NECAB1: variants seen among roughly 807,000 people sequenced by gnomAD.
The protein encoded by NECAB1 is N-terminal EF-hand calcium binding protein 1.
A neutral mutation model predicts 57.5 loss-of-function variants in NECAB1; 29 were observed. That is an observed-to-expected ratio of 0.50 (90% CI 0.38 to 0.69). NECAB1 has a LOEUF of 0.69. NECAB1 is among the 30% of genes least tolerant of loss of function. NECAB1 has a pLI of 0.00. For synonymous variants in NECAB1, 142 were observed against 147.7 expected (o/e 0.96, Z 0.28); for missense variants, 372 against 413.8 (o/e 0.90, Z 0.88).
chr8:90,832,457 G>A (rs569169197), intron 3 of NECAB1, among the ~76,000 whole-genome samples: 1 of 152,032 alleles, frequency 6.6e-6, no homozygotes, highest in African/African-American at 2.4e-5. Context: ...ACATGGAAAT[G>A]GTTTATTCTT....
intron 3 of NECAB1, among the ~76,000 whole-genome samples, chr8:90,860,282 C>T (rs189647347): frequency 1.0e-4 from 15 of 147,598 alleles, no homozygotes; most frequent in African/African-American, 3.8e-4. Flanking sequence ...TAATGGGCAG[C>T]CAGTTTTGAG....
chr8:90,898,580 T>C (rs1269481103), intron 5 of NECAB1, among the ~76,000 whole-genome samples: 2 of 152,190 alleles, frequency 1.3e-5, no homozygotes, highest in African/African-American at 2.4e-5. Flanking sequence ...CCTATTCCAA[T>C]ACCCCTGTCT....
chr8:90,937,834 TA>T (rs1810575051), intron 9 of NECAB1, among the ~76,000 whole-genome samples: 1 of 152,200 alleles, frequency 6.6e-6, no homozygotes, highest in Non-Finnish European at 1.5e-5. Flanking sequence ...TCTACACCCA[TA>T]TAAAATCGAC....
rs1480028026 is a variant in NECAB1 at position 90,791,779 on chromosome 8, C to G, written c.-108C>G. 1.9e-5 allele frequency: 16 copies of G among 842,906 alleles called. No individual in the cohort carries two copies. Among genetic ancestry groups the G allele is most frequent in the Non-Finnish European group, 2.8e-5 (15 of 541,344 alleles). 52.2% of individuals were successfully genotyped at this position (842,906 alleles called of 1,614,324 possible). On this transcript the variant is annotated 5_prime_UTR_variant, in exon 1 of 13. Coordinates refer to ENST00000417640, the MANE Select transcript of NECAB1 (RefSeq NM_022351.5). ...GCGCGCGCGGGAGCGAACACCCTCC[C>G]GGATCCAGAGCCCGGCGGCGGCGAA...
At chr8:90,926,206 G>T (rs1273779965) in intron 7 of NECAB1, among the ~76,000 whole-genome samples, 2 of 152,164 alleles carry the variant, frequency 1.3e-5, no homozygotes, top group Non-Finnish European at 1.5e-5. Flanking sequence ...GCAAACTCAT[G>T]TTGCTAAATA....
chr8:90,898,805 G>A (rs1443436362), intron 5 of NECAB1, among the ~76,000 whole-genome samples: 1 of 152,198 alleles, frequency 6.6e-6, no homozygotes, highest in Non-Finnish European at 1.5e-5. Context: ...TACATGGTAG[G>A]TACACAATCT....
intron 10 of NECAB1, among the ~76,000 whole-genome samples, chr8:90,942,120 G>A (rs1194154967): frequency 6.6e-6 from 1 of 152,124 alleles, no homozygotes; most frequent in Non-Finnish European, 1.5e-5. Context: ...TCTGGCTCTG[G>A]AAATAAACAT....
chr8:90,840,977 G>A (rs1812444460), intron 3 of NECAB1, among the ~76,000 whole-genome samples: 1 of 146,918 alleles, frequency 6.8e-6, no homozygotes, highest in African/African-American at 2.5e-5. Flanking sequence ...AGTGACCAAA[G>A]CCGGGCGCAG....
At chr8:90,798,645 C>T (rs1811706546) in intron 1 of NECAB1, among the ~76,000 whole-genome samples, 3 of 152,142 alleles carry the variant, frequency 2.0e-5, no homozygotes, top group Admixed American at 2.0e-4. Flanking sequence ...TTTTTTATGG[C>T]TGTGTAGTAT....
chr8:90,928,494 T>G (rs2130182161), intron 8 of NECAB1, among the ~76,000 whole-genome samples, 195 bp downstream of exon 8: 1 of 152,308 alleles, frequency 6.6e-6, no homozygotes, highest in Admixed American at 6.5e-5. Flanking sequence ...ACATTAATTC[T>G]CCCCCTACCT....
intron 2 of NECAB1, among the ~76,000 whole-genome samples, chr8:90,816,770 A>C (rs113368946): frequency 2.0e-5 from 3 of 151,704 alleles, no homozygotes; most frequent in African/African-American, 7.2e-5. Context: ...GTCTGTCCTC[A>C]AACTTTATTC....
chr8:90,823,284 T>C (rs915658675), intron 2 of NECAB1, among the ~76,000 whole-genome samples: 1 of 151,784 alleles, frequency 6.6e-6, no homozygotes, highest in Admixed American at 6.6e-5. Flanking sequence ...TAGCAAAAAT[T>C]AACTGGAAAA....
At chr8:90,928,117 A>C (rs981828110) in intron 7 of NECAB1, 106 bp from the exon 8 acceptor site, 33 of 823,996 alleles carry the variant, frequency 4.0e-5, no homozygotes, top group Non-Finnish European at 5.4e-5. Context: ...CCAGTCAGTG[A>C]CACTGCATCT....
chr8:90,940,670 T>C, intron 9 of NECAB1, 116 bp from the exon 10 acceptor site: 1 of 726,410 alleles, frequency 1.4e-6, no homozygotes, highest in Non-Finnish European at 2.4e-6. Context: ...TCCTTGGTCA[T>C]ATTTTTGGAT....
rs1262929081 is a variant in NECAB1, at chr8:90,957,359, A to C, written c.*1847A>C. The stretch of plus-strand genomic sequence containing the variant: ...ATATTTTGGGTACTAGGCAGTTTCC[A>C]AAGTAGCATGGTAGTATTACTTGTT... On this transcript the variant is annotated 3_prime_UTR_variant, in exon 13 of 13. Coordinates refer to ENST00000417640, the MANE Select transcript of NECAB1 (RefSeq NM_022351.5). 1 of 151,906 alleles carries C rather than the reference A, an allele frequency of 6.6e-6. No individual in the cohort carries two copies. The highest frequency in any genetic ancestry group is 2.1e-4 in the South Asian group (1 of 4,822). 9.4% of individuals were successfully genotyped at this position (151,906 alleles called of 1,614,324 possible).
chr8:90,944,588 C>A (rs1810755410), intron 10 of NECAB1, among the ~76,000 whole-genome samples: 1 of 152,128 alleles, frequency 6.6e-6, no homozygotes, highest in African/African-American at 2.4e-5. Flanking sequence ...TTCTCAGAAC[C>A]ATTCTTGACA....
intron 2 of NECAB1, among the ~76,000 whole-genome samples, chr8:90,805,073 T>C (rs1201447888): frequency 6.6e-6 from 1 of 152,246 alleles, no homozygotes; most frequent in East Asian, 1.9e-4. Flanking sequence ...TAGTTATTTC[T>C]ATTGCAGTGG....
At chr8:90,871,479 T>C (rs10808631) in intron 3 of NECAB1, among the ~76,000 whole-genome samples, 64,202 of 151,988 alleles carry the variant, frequency 0.42, 15,609 homozygotes, top group East Asian at 0.77. Context: ...ATGTTTGGCA[T>C]TTGCCTTCAT....
At chr8:90,912,073 C>T (rs1809843173) in intron 5 of NECAB1, among the ~76,000 whole-genome samples, 2 of 152,138 alleles carry the variant, frequency 1.3e-5, no homozygotes, top group Admixed American at 1.3e-4. Flanking sequence ...TTAACCACTA[C>T]ATTATGTTAT....
Sources: allele counts gnomAD v4.1 joint callset (sites outside exome capture counted in the v4.1 genomes callset), GRCh38; gene constraint gnomAD v4.1.1; transcripts MANE v1.5; gene names NCBI Gene and HGNC (gene_info 2026-07-23, HGNC 2026-07-21).